The following PCDH11X variants were observed in gnomAD, a reference collection of about 807,000 sequenced individuals.
PCDH11X encodes protocadherin-11 X-linked.
In PCDH11X, 18 loss-of-function variants were observed where a neutral mutation model predicts 53.3. The ratio of observed to expected loss-of-function variants is 0.34; its 90% CI spans 0.23 to 0.50. The LOEUF is 0.50. Among genes scored for constraint, PCDH11X ranks in the 20% least tolerant of loss-of-function variants. PCDH11X has a pLI of 0.98. For missense variants in PCDH11X, 570 were observed against 1,032.4 expected, an observed-to-expected ratio of 0.55 and a Z score of 6.14; for synonymous variants, 279 against 393.3, an observed-to-expected ratio of 0.71 and a Z score of 3.44.
chrX:92,547,880 G>A (rs1219030906), intron 10 of PCDH11X, among the ~76,000 whole-genome samples: 1 of 109,377 alleles, frequency 9.1e-6, no homozygotes, highest in Non-Finnish European at 1.9e-5. Flanking sequence ...ACTGGTGGGC[G>A]CCATCATGGC....
intron 8 of PCDH11X, among the ~76,000 whole-genome samples, chrX:92,275,735 G>C (rs765054330): frequency 9.0e-6 from 1 of 111,627 alleles, no homozygotes; most frequent in Non-Finnish European, 1.9e-5. Context: ...AGAGTTTATA[G>C]GTTTTAGAAG....
chrX:92,523,089 TA>T (rs2074394008), intron 10 of PCDH11X, among the ~76,000 whole-genome samples: 1 of 112,338 alleles, frequency 8.9e-6, no homozygotes, highest in Non-Finnish European at 1.9e-5. Context: ...GCACATCCTT[TA>T]AAATGTGTCT....
At chrX:91,914,731 C>T (rs3951825) in intron 6 of PCDH11X, among the ~76,000 whole-genome samples, 5,143 of 111,700 alleles carry the variant, frequency 0.046, 272 homozygotes, top group African/African-American at 0.15. Context: ...TGAACAAAGA[C>T]TCCAAGAAAT....
chrX:91,842,483 A>G (rs1319251274), intron 5 of PCDH11X, among the ~76,000 whole-genome samples: 1 of 106,742 alleles, frequency 9.4e-6, no homozygotes, highest in Non-Finnish European at 1.9e-5. Flanking sequence ...CTATTACTAG[A>G]GCACTAAGGG....
chrX:92,404,540 T>C (rs2071466004), intron 9 of PCDH11X, among the ~76,000 whole-genome samples: 1 of 110,767 alleles, frequency 9.0e-6, no homozygotes, highest in South Asian at 3.9e-4. Context: ...GAAAAATTTA[T>C]ACAAGACATT....
At chrX:92,009,225 C>G (rs932069631) in intron 6 of PCDH11X, among the ~76,000 whole-genome samples, 2 of 111,615 alleles carry the variant, frequency 1.8e-5, no homozygotes, top group Non-Finnish European at 3.8e-5. Flanking sequence ...TCCCTAGCTT[C>G]CAGGTAAGAA....
rs892694230 is a variant in PCDH11X, at chrX:92,129,969, C to T, written c.3034-71406C>T. Among the ~76,000 whole-genome samples the T allele has an allele frequency of 7.2e-5, 8 of 111,005 alleles. No individual in the cohort carries two copies. The East Asian group carries it at 1.1e-3, about 16-fold the overall frequency. On this transcript the variant is annotated intron_variant, in intron 6 of 10. Coordinates refer to ENST00000682573, the MANE Select transcript of PCDH11X (RefSeq NM_032968.5). Reference sequence around the variant, plus strand: ...TGAGTAAATGGCTTATATGCGCACACGCACACGCACACGCACATGCACACA... The same window carrying T: ...TGAGTAAATGGCTTATATGCGCACATGCACACGCACACGCACATGCACACA...
chrX:91,968,515 T>C (rs183928876), intron 6 of PCDH11X, among the ~76,000 whole-genome samples: 2 of 111,628 alleles, frequency 1.8e-5, no homozygotes, highest in African/African-American at 6.5e-5. Flanking sequence ...AGGCTAGAGC[T>C]CTTTGGACAG....
chrX:91,912,477 A>C (rs1941402323), intron 6 of PCDH11X, among the ~76,000 whole-genome samples: 1 of 110,023 alleles, frequency 9.1e-6, no homozygotes, highest in African/African-American at 3.3e-5. Context: ...TTTATCATGA[A>C]GTGATGTTGC....
chrX:92,076,163 T>A (rs1440363571), intron 6 of PCDH11X, among the ~76,000 whole-genome samples: 3 of 107,553 alleles, frequency 2.8e-5, no homozygotes, highest in Non-Finnish European at 5.7e-5. Flanking sequence ...AGAGAAAAAA[T>A]TCCGTGTAAG....
chrX:91,884,732 A>T (rs1214884279), intron 6 of PCDH11X, among the ~76,000 whole-genome samples: 1 of 111,727 alleles, frequency 9.0e-6, no homozygotes, highest in African/African-American at 3.2e-5. Context: ...AGAATTTTTT[A>T]AAATCATGTT....
rs1602679209 is a variant in PCDH11X, at chrX:92,013,940, A to G, written c.3033+134667A>G. ...AAAACCATAAAAAACCTAGAAGAAA[A>G]CCTAGGCAATACCATTCAGGACATA... is the stretch of plus-strand genomic sequence containing the variant. On this transcript the variant is annotated intron_variant, in intron 6 of 10. Transcript: ENST00000682573. 2.7e-5 allele frequency among the ~76,000 whole-genome samples: 3 copies of G among 111,709 alleles called. No homozygotes were observed. The East Asian group carries it at 8.4e-4, about 31-fold the overall frequency.
intron 9 of PCDH11X, among the ~76,000 whole-genome samples, chrX:92,443,777 A>G (rs899837255): frequency 2.7e-5 from 3 of 111,800 alleles, no homozygotes; most frequent in African/African-American, 9.7e-5. Context: ...TTTATAACAT[A>G]GGGAGTCCTT....
intron 1 of PCDH11X, among the ~76,000 whole-genome samples, chrX:91,808,770 A>C (rs1039428536): frequency 9.1e-6 from 1 of 110,369 alleles, no homozygotes; most frequent in Non-Finnish European, 1.9e-5. Context: ...GAGAAAATTC[A>C]TGTATGTTTG....
At chrX:92,269,898 AT>A (rs1357756832) in intron 8 of PCDH11X, among the ~76,000 whole-genome samples, 3 of 110,592 alleles carry the variant, frequency 2.7e-5, no homozygotes, top group Non-Finnish European at 5.7e-5. Flanking sequence ...TTTGGGCAAG[AT>A]TTTTCTGCTT....
intron 6 of PCDH11X, among the ~76,000 whole-genome samples, chrX:92,073,031 T>C (rs2063725954): frequency 9.0e-6 from 1 of 111,450 alleles, no homozygotes; most frequent in African/African-American, 3.3e-5. Context: ...CTTCTGTGCA[T>C]GAGTGCTGGC....
chrX:92,286,032 GC>G (rs1569454966), intron 8 of PCDH11X, among the ~76,000 whole-genome samples: 1 of 112,071 alleles, frequency 8.9e-6, no homozygotes, highest in Admixed American at 9.5e-5. Flanking sequence ...GTGGTTTTCC[GC>G]CCCGGGTGGG....
At chrX:92,258,226 G>A (rs372425131) in intron 7 of PCDH11X, among the ~76,000 whole-genome samples, 3 of 111,291 alleles carry the variant, frequency 2.7e-5, no homozygotes, top group African/African-American at 9.8e-5. Context: ...CCTCAGCACA[G>A]CCCACTAAAC....
At chrX:92,446,975 A>G (rs1313617442) in intron 9 of PCDH11X, among the ~76,000 whole-genome samples, 1 of 111,081 alleles carries the variant, frequency 9.0e-6, no homozygotes, top group Admixed American at 1.0e-4. Flanking sequence ...ATGTTTTAAC[A>G]AAGAGACTGG....
Sources: gnomAD v4.1 joint callset for allele counts (sites outside exome capture counted in the v4.1 genomes callset) on GRCh38, gnomAD v4.1.1 for gene constraint, MANE v1.5 for transcripts, NCBI Gene and HGNC (gene_info 2026-07-23, HGNC 2026-07-21) for gene names.